Variants in NSF observed in about 807,000 individuals in gnomAD.
NSF encodes N-ethylmaleimide sensitive factor, vesicle fusing ATPase, also known as vesicle-fusing ATPase.
Under a neutral mutation model 50.3 loss-of-function variants are expected in NSF, and 14 were observed. The observed-to-expected ratio is 0.28, with a 90% CI of 0.18 to 0.44. The LOEUF (loss-of-function observed/expected upper bound fraction) is 0.44. Among genes scored for constraint, NSF ranks in the 20% least tolerant of loss-of-function variants. The pLI, the probability that NSF is intolerant of heterozygous loss-of-function variation, is 1.00. For missense variants in NSF, 218 were observed against 504.3 expected (o/e 0.43, Z 5.44); for synonymous variants, 109 against 175.7 (o/e 0.62, Z 3.00).
At chr17:46,598,847 A>G (rs1337444510) in intron 1 of NSF, among the ~76,000 whole-genome samples, 1 of 148,554 alleles carries the variant, frequency 6.7e-6, no homozygotes, top group Non-Finnish European at 1.5e-5. Context: ...AACAAATACT[A>G]TAAAGTGTTT....
At position 46,749,861 on chromosome 17, in the gene NSF, A is replaced by G; in HGVS notation, c.1997A>G (p.His666Arg). ...CTTAACGCTTTCAGCACCACCATCC[A>G]CGTGCCCAACATTGCCACAGGAGAG... ...EMLNAFSTTI[H>R]VPNIATGEQL... is the part of the protein sequence containing the mutation. Residue 666 changes from histidine (H) to arginine (R), a missense_variant, in exon 18 of 21, where the codon CAC becomes CGC. Around this residue, in one of 2 missense-constraint regions of NSF, gnomAD observed 209 missense variants for 320.9 expected, o/e 0.65. Coordinates refer to ENST00000398238, the MANE Select transcript of NSF (RefSeq NM_006178.4). The G allele has an allele frequency of 6.2e-7, 1 of 1,614,220 alleles. No homozygotes were observed. Among genetic ancestry groups the G allele is most frequent in the East Asian group, 2.2e-5 (1 of 44,890 alleles).
chr17:46,724,437 G>A (rs757092516), intron 15 of NSF, among the ~76,000 whole-genome samples: 4 of 152,180 alleles, frequency 2.6e-5, no homozygotes, highest in Non-Finnish European at 5.9e-5. Flanking sequence ...CTGATTCCAT[G>A]ATAGCCAAGG....
chr17:46,752,018 T>C (rs1056093712), intron 19 of NSF, among the ~76,000 whole-genome samples: 3 of 152,164 alleles, frequency 2.0e-5, no homozygotes, highest in Non-Finnish European at 4.4e-5. Flanking sequence ...GCACCTCAAG[T>C]CAGTAAGCGA....
chr17:46,712,411 A>G (rs930008285), intron 14 of NSF, among the ~76,000 whole-genome samples: 2 of 152,110 alleles, frequency 1.3e-5, no homozygotes, highest in Non-Finnish European at 2.9e-5. Context: ...AATATTTGTT[A>G]GATTGGATGT....
At position 46,709,653 on chromosome 17, in the gene NSF, C is replaced by A. The variant is rs966402006; in HGVS notation, c.1471-1310C>A. Among the ~76,000 whole-genome samples, 11 of 152,192 alleles carry A rather than the reference C, an allele frequency of 7.2e-5. No individual in the cohort carries two copies. The East Asian group carries it at 2.1e-3, about 29-fold the overall frequency. ...GGGATTACAGGCACACACCACCACA[C>A]CCAGCTAATTTTTGTATTTTTAGTA... On this transcript the variant is annotated intron_variant, in intron 13 of 20. Transcript: ENST00000398238.
At chr17:46,732,332 T>C (rs1217442990) in intron 17 of NSF, among the ~76,000 whole-genome samples, 4 of 152,132 alleles carry the variant, frequency 2.6e-5, no homozygotes, top group Non-Finnish European at 2.9e-5. Context: ...CCAGATATTC[T>C]CTTTTCTCCT....
In NSF at chr17:46,743,333, G is replaced by T. The variant is rs887861818; in HGVS notation, c.1909-6440G>T. ...CCACAGGCAGAGGACTATTCTTCAG[G>T]TTCCTCTGAAGCCCACCTGTTCAGA... On this transcript the variant is annotated intron_variant, in intron 17 of 20. Transcript: ENST00000398238. 3.3e-5 allele frequency among the ~76,000 whole-genome samples: 5 copies of T among 152,028 alleles called. No individual in the cohort carries two copies. The East Asian group carries it at 7.7e-4, about 23-fold the overall frequency.
At chr17:46,722,349 C>G (rs747839543) in intron 15 of NSF, among the ~76,000 whole-genome samples, 14 of 152,204 alleles carry the variant, frequency 9.2e-5, no homozygotes, top group African/African-American at 1.9e-4. Context: ...ATCTTTGGAT[C>G]TAGAGCAAGC....
intron 14 of NSF, among the ~76,000 whole-genome samples, chr17:46,711,725 G>T (rs1386966480): frequency 6.6e-6 from 1 of 152,172 alleles, no homozygotes; most frequent in Non-Finnish European, 1.5e-5. Flanking sequence ...GAAAAGTTCA[G>T]TGAGGCCCCA....
chr17:46,657,984 T>TTTTGTG (rs1568023254), intron 8 of NSF, among the ~76,000 whole-genome samples: 1 of 64,940 alleles, frequency 1.5e-5, no homozygotes. Flanking sequence ...TTTTTTTTTT[T>TTTTGTG]GGCGGGGTGG....
Position 46,711,059 on chromosome 17 carries a change from C to G in NSF, c.1567C>G (p.Leu523Val). ...PVTRVLDDGE[L>V]LVQQTKNSDR... ...TACTCGAGTTCTAGATGATGGGGAG[C>G]TGCTGGTGCAGCAGACTAAGAACAG... Residue 523 changes from leucine to valine, a missense_variant, in exon 14 of 21, where the codon CTG (leucine) becomes GTG (valine). By Grantham distance (32) the Leu-to-Val change is conservative. Around this residue, in one of 2 missense-constraint regions of NSF, gnomAD observed 209 missense variants for 320.9 expected, o/e 0.65. Transcript: ENST00000398238. The G allele has an allele frequency of 6.3e-7, 1 of 1,587,136 alleles. No individual in the cohort carries two copies. The highest frequency in any genetic ancestry group is 8.5e-7 in the Non-Finnish European group (1 of 1,170,506).
At chr17:46,736,028 A>G (rs2059000717) in intron 17 of NSF, among the ~76,000 whole-genome samples, 3 of 152,186 alleles carry the variant, frequency 2.0e-5, no homozygotes, top group African/African-American at 7.2e-5. Context: ...AATAACTGCT[A>G]TATAGAGGAA....
Position 46,707,758 on chromosome 17 carries a change from G to A in NSF, c.1470+2904G>A, listed in dbSNP as rs76083437. Among the ~76,000 whole-genome samples the A allele has an allele frequency of 1.0e-3, 158 of 152,246 alleles. No homozygotes were observed. The East Asian group carries it at 0.028, about 27-fold the overall frequency. On this transcript the variant is annotated intron_variant, in intron 13 of 20. Transcript: ENST00000398238. ...TAATACTCCATTATATGGGCCAGGC[G>A]TGGTGGCTCTTGCCTGTAATCCCAG...
At chr17:46,746,018 A>G (rs2059124148) in intron 17 of NSF, among the ~76,000 whole-genome samples, 1 of 152,172 alleles carries the variant, frequency 6.6e-6, no homozygotes. Context: ...TCTCCTCCAG[A>G]AAAAGCTTTC....
intron 17 of NSF, among the ~76,000 whole-genome samples, chr17:46,747,620 A>G (rs2045231050): frequency 6.6e-6 from 1 of 152,200 alleles, no homozygotes; most frequent in African/African-American, 2.4e-5. Context: ...ACAGGATGCA[A>G]TTAAAAAAGA....
chr17:46,745,540 A>ACGC (rs2059119573), intron 17 of NSF, among the ~76,000 whole-genome samples: 1 of 152,214 alleles, frequency 6.6e-6, no homozygotes, highest in African/African-American at 2.4e-5. Context: ...TCATGAGGAA[A>ACGC]CTGGCAGCGA....
chr17:46,745,827 G>A (rs1386093091), intron 17 of NSF, among the ~76,000 whole-genome samples: 1 of 152,124 alleles, frequency 6.6e-6, no homozygotes, highest in Non-Finnish European at 1.5e-5. Flanking sequence ...AAATATAACA[G>A]CACCACTTTT....
At chr17:46,694,396 G>GTAA (rs2058574542) in intron 11 of NSF, 79 bp from the exon 12 acceptor site, 1 of 1,121,822 alleles carries the variant, frequency 8.9e-7, no homozygotes, top group Non-Finnish European at 1.2e-6. Context: ...CAAAATAATA[G>GTAA]TAATAATAAT....
chr17:46,735,376 A>T (rs946410164), intron 17 of NSF, among the ~76,000 whole-genome samples: 4 of 151,954 alleles, frequency 2.6e-5, no homozygotes, highest in African/African-American at 9.7e-5. Context: ...AAAGGTGGGG[A>T]TTATAACGTC....
Sources: allele counts gnomAD v4.1 joint callset (sites outside exome capture counted in the v4.1 genomes callset), GRCh38; gene constraint gnomAD v4.1.1; regional missense constraint gnomAD v4.1.1; transcripts MANE v1.5; gene names NCBI Gene and HGNC (gene_info 2026-07-23, HGNC 2026-07-21).